SLC67A2: variants seen among roughly 807,000 people sequenced by gnomAD.
SLC67A2 encodes solute carrier family 67 member 2, also known as solute carrier family 67 member A2.
chr2:102,718,014 C>T, the SLC67A2 span: 1 of 166,858 alleles, frequency 6.0e-6, no homozygotes, highest in Non-Finnish European at 1.3e-5. Context: ...ACATGTCACC[C>T]TATTTTTCAG....
the SLC67A2 span, chr2:102,730,875 A>G: frequency 1.4e-6 from 1 of 726,966 alleles, no homozygotes; most frequent in Non-Finnish European, 2.3e-6. Flanking sequence ...TTTTGTTTAC[A>G]TTCTTTTTGT....
chr2:102,724,414 A>G, the SLC67A2 span, among the ~76,000 whole-genome samples: 2 of 152,228 alleles, frequency 1.3e-5, no homozygotes, highest in Admixed American at 6.5e-5. Context: ...TGATAGCACC[A>G]TCACTGAACC....
chr2:102,723,937 T>C, the SLC67A2 span: 6 of 1,583,636 alleles, frequency 3.8e-6, no homozygotes, highest in Middle Eastern at 1.7e-4. Context: ...ACATGCTCTG[T>C]AACTTTTTCC....
chr2:102,718,975 C>T, the SLC67A2 span: 5 of 1,614,224 alleles, frequency 3.1e-6, no homozygotes, highest in Non-Finnish European at 4.2e-6. Flanking sequence ...GCAAGCGCAC[C>T]AGAAATATGT....
chr2:102,730,828 C>A, the SLC67A2 span, among the ~76,000 whole-genome samples: 1 of 152,204 alleles, frequency 6.6e-6, no homozygotes, highest in South Asian at 2.1e-4. Flanking sequence ...GGATTACAGG[C>A]GTGAGCCACC....
the SLC67A2 span, among the ~76,000 whole-genome samples, chr2:102,733,198 C>G: frequency 1.3e-5 from 2 of 152,156 alleles, no homozygotes; most frequent in African/African-American, 2.4e-5. Context: ...AGACTGTTAA[C>G]TTTTCTTTTA....
At chr2:102,728,774 C>T in the SLC67A2 span, among the ~76,000 whole-genome samples, 10 of 152,164 alleles carry the variant, frequency 6.6e-5, no homozygotes, top group African/African-American at 2.2e-4. Context: ...GAGCTAACCT[C>T]TCTATGCCTC....
chr2:102,732,603 C>T, the SLC67A2 span, among the ~76,000 whole-genome samples: 6 of 152,224 alleles, frequency 3.9e-5, no homozygotes, highest in South Asian at 1.0e-3. Context: ...ACCTGGGATC[C>T]GTTTTAACTT....
chr2:102,720,265 C>T, the SLC67A2 span, among the ~76,000 whole-genome samples: 3 of 152,088 alleles, frequency 2.0e-5, no homozygotes, highest in African/African-American at 7.2e-5. Flanking sequence ...AAATTTACAA[C>T]GGAAAACCAA....
At chr2:102,732,312 G>A in the SLC67A2 span, 3 of 1,607,140 alleles carry the variant, frequency 1.9e-6, no homozygotes, top group South Asian at 1.1e-5. Context: ...GAGCAATATC[G>A]ACCACTCACC....
chr2:102,719,146 T>A, the SLC67A2 span: 7 of 1,614,196 alleles, frequency 4.3e-6, no homozygotes, highest in Non-Finnish European at 5.1e-6. Context: ...TCTTTCGCAA[T>A]GGCAGGCCCT....
At chr2:102,731,253 T>C in the SLC67A2 span, among the ~76,000 whole-genome samples, 3 of 151,666 alleles carry the variant, frequency 2.0e-5, no homozygotes, top group Admixed American at 6.6e-5. Flanking sequence ...TCTAACAAAA[T>C]GGAAGTAATA....
chr2:102,731,072 T>G, the SLC67A2 span: 10 of 1,613,206 alleles, frequency 6.2e-6, no homozygotes, highest in Non-Finnish European at 8.5e-6. Flanking sequence ...GAGGAGCCTG[T>G]AAAAAACAAA....
At chr2:102,725,757 T>C in the SLC67A2 span, among the ~76,000 whole-genome samples, 3 of 152,170 alleles carry the variant, frequency 2.0e-5, no homozygotes, top group African/African-American at 7.2e-5. Flanking sequence ...AAAAAGTATA[T>C]ATTCCACAGA....
the SLC67A2 span, chr2:102,723,988 T>G: frequency 2.1e-5 from 25 of 1,189,878 alleles, no homozygotes; most frequent in Non-Finnish European, 2.6e-5. Context: ...GCTTAACCTC[T>G]ATCCCTGATG....
chr2:102,727,013 A>C, the SLC67A2 span: 1 of 1,604,144 alleles, frequency 6.2e-7, no homozygotes, highest in Non-Finnish European at 8.5e-7. Context: ...CCCCATTCAC[A>C]GTAACGACTA....
At chr2:102,723,502 T>C in the SLC67A2 span, among the ~76,000 whole-genome samples, 28 of 152,000 alleles carry the variant, frequency 1.8e-4, no homozygotes, top group Admixed American at 3.3e-4. Context: ...AAGAGAACTC[T>C]GGCACACTGT....
chr2:102,727,113 A>G, the SLC67A2 span: 1 of 844,824 alleles, frequency 1.2e-6, no homozygotes, highest in East Asian at 3.0e-5. Flanking sequence ...CCATGATGCC[A>G]TTTGTCAGAG....
the SLC67A2 span, among the ~76,000 whole-genome samples, chr2:102,734,451 G>C: frequency 6.6e-6 from 1 of 152,036 alleles, no homozygotes; most frequent in Non-Finnish European, 1.5e-5. Context: ...AGAACAATTT[G>C]GCAAATGACT....
Sources: gnomAD v4.1 joint callset for allele counts (sites outside exome capture counted in the v4.1 genomes callset) on GRCh38, gnomAD v4.1.1 for gene constraint, MANE v1.5 for transcripts, NCBI Gene and HGNC (gene_info 2026-07-23, HGNC 2026-07-21) for gene names.